Variants in COL19A1 observed in about 807,000 individuals in gnomAD.
COL19A1 encodes collagen type XIX alpha 1 chain, also known as collagen alpha-1(XIX) chain.
A neutral mutation model predicts 190.2 loss-of-function variants in COL19A1; 159 were observed. The ratio of observed to expected loss-of-function variants is 0.84; its 90% CI spans 0.73 to 0.95. COL19A1 has a LOEUF of 0.95. Among genes scored for constraint, COL19A1 ranks in the 40% least tolerant of loss-of-function variants. The pLI, the probability that COL19A1 is intolerant of heterozygous loss-of-function variation, is 0.00. For synonymous variants in COL19A1, 509 were observed against 458.9 expected (o/e 1.11, Z -1.39); for missense variants, 1,418 against 1,431.9 (o/e 0.99, Z 0.16).
chr6:70,135,688 C>G (rs1218557457), intron 18 of COL19A1, among the ~76,000 whole-genome samples: 1 of 152,116 alleles, frequency 6.6e-6, no homozygotes, highest in African/African-American at 2.4e-5. Context: ...AATTTGCCTC[C>G]TGGATTTGGG....
At chr6:70,125,299 G>A (rs1230547460) in intron 17 of COL19A1, among the ~76,000 whole-genome samples, 1 of 152,144 alleles carries the variant, frequency 6.6e-6, no homozygotes, top group Non-Finnish European at 1.5e-5. Context: ...CTAGACCTCA[G>A]CTCTTCAACT....
At chr6:69,875,996 T>C (rs1768106111) in intron 1 of COL19A1, among the ~76,000 whole-genome samples, 2 of 151,912 alleles carry the variant, frequency 1.3e-5, no homozygotes, top group African/African-American at 4.8e-5. Context: ...CTGAGAATAT[T>C]TAAAAGGAAA....
intron 44 of COL19A1, among the ~76,000 whole-genome samples, chr6:70,182,285 TCA>T (rs1766223444): frequency 6.6e-6 from 1 of 151,956 alleles, no homozygotes. Context: ...AAGAGACCAA[TCA>T]CAGCTGTGGT....
intron 16 of COL19A1, among the ~76,000 whole-genome samples, chr6:70,121,563 C>A (rs2150211531): frequency 6.6e-6 from 1 of 152,246 alleles, no homozygotes; most frequent in East Asian, 1.9e-4. Flanking sequence ...AAGAGTTATA[C>A]CCTCTTCTCT....
At chr6:69,974,834 A>C (rs574122037) in intron 11 of COL19A1, among the ~76,000 whole-genome samples, 2 of 104,834 alleles carry the variant, frequency 1.9e-5, no homozygotes, top group Admixed American at 1.2e-4. Context: ...TTTTTTTGAG[A>C]CGGAGTCTTG....
At position 70,059,505 on chromosome 6, in the gene COL19A1, G is replaced by A. The variant is rs79736761; in HGVS notation, c.1171-8918G>A. 5.3e-4 allele frequency among the ~76,000 whole-genome samples: 80 copies of A among 152,266 alleles called. 2 individuals are homozygous for A. In the East Asian group the frequency reaches 0.014, roughly 26 times the overall value. ...AAATATTTACATGGGCTTCCATGAT[G>A]ATAAGCTCTAGCTTGTCTTAAATAA... is the stretch of plus-strand genomic sequence containing the variant. On this transcript the variant is annotated intron_variant, in intron 14 of 50. Transcript: ENST00000620364.
At position 69,984,091 on chromosome 6, in the gene COL19A1, G is replaced by A. The variant is rs534909497; in HGVS notation, c.1026+21221G>A. Among the ~76,000 whole-genome samples, 12 of 152,160 alleles carry A rather than the reference G, an allele frequency of 7.9e-5. No individual in the cohort carries two copies. In the South Asian group the frequency reaches 2.1e-3, roughly 26 times the overall value. ...AGCCACAGGGTCTGAAGGTTTCTTTGTGAAAGATTTTTACATTATGGGTTT... is the reference window on the plus strand; with the variant it reads ...AGCCACAGGGTCTGAAGGTTTCTTTATGAAAGATTTTTACATTATGGGTTT... On this transcript the variant is annotated intron_variant, in intron 11 of 50. Coordinates refer to ENST00000620364, the MANE Select transcript of COL19A1 (RefSeq NM_001858.6).
chr6:70,163,661 C>G (rs995049966), intron 36 of COL19A1, among the ~76,000 whole-genome samples: 2 of 152,160 alleles, frequency 1.3e-5, no homozygotes, highest in Non-Finnish European at 2.9e-5. Flanking sequence ...CCTGGGCAAC[C>G]ATCTATGTGG....
intron 11 of COL19A1, among the ~76,000 whole-genome samples, chr6:70,001,227 T>C (rs1404910260): frequency 6.6e-6 from 1 of 152,198 alleles, no homozygotes; most frequent in African/African-American, 2.4e-5. Context: ...CATTAGTCTA[T>C]ATGTCCGTTT....
intron 15 of COL19A1, among the ~76,000 whole-genome samples, chr6:70,097,594 C>T (rs1783362238): frequency 6.6e-6 from 1 of 152,028 alleles, no homozygotes; most frequent in African/African-American, 2.4e-5. Context: ...CATGCATGCT[C>T]AGGTTTGAGC....
intron 9 of COL19A1, among the ~76,000 whole-genome samples, chr6:69,951,581 TAAAAC>T (rs1176097165): frequency 2.0e-5 from 3 of 151,858 alleles, no homozygotes; most frequent in African/African-American, 4.8e-5. Context: ...CTTGACCTCT[TAAAAC>T]AAACTAGATG....
intron 10 of COL19A1, among the ~76,000 whole-genome samples, chr6:69,962,397 G>C (rs1250606970): frequency 2.0e-5 from 3 of 152,160 alleles, no homozygotes; most frequent in Non-Finnish European, 4.4e-5. Context: ...TACCAGAATG[G>C]TATGCCATAG....
At chr6:69,887,238 C>T (rs2149954368) in intron 2 of COL19A1, among the ~76,000 whole-genome samples, 1 of 152,304 alleles carries the variant, frequency 6.6e-6, no homozygotes, top group East Asian at 1.9e-4. Context: ...TTGCTAATCA[C>T]CTACTGGGGC....
At chr6:70,023,502 G>T in intron 11 of COL19A1, 125 bp from the exon 12 acceptor site, 1 of 692,618 alleles carries the variant, frequency 1.4e-6, no homozygotes, top group Non-Finnish European at 2.3e-6. Flanking sequence ...TTTAATAAAC[G>T]TGCCTTTCAA....
intron 14 of COL19A1, among the ~76,000 whole-genome samples, chr6:70,045,158 GA>G (rs1269137775): frequency 2.6e-5 from 4 of 151,684 alleles, no homozygotes; most frequent in African/African-American, 4.8e-5. Flanking sequence ...ACTAAAAATA[GA>G]AAAATTAGCC....
chr6:70,054,088 C>T (rs962015583), intron 14 of COL19A1, among the ~76,000 whole-genome samples: 3 of 152,154 alleles, frequency 2.0e-5, no homozygotes, highest in African/African-American at 7.2e-5. Context: ...CAGTGGCTCA[C>T]GCCTTAATCC....
At chr6:70,054,454 A>G (rs1277493502) in intron 14 of COL19A1, among the ~76,000 whole-genome samples, 1 of 152,226 alleles carries the variant, frequency 6.6e-6, no homozygotes, top group Non-Finnish European at 1.5e-5. Context: ...TTCTGTTAAC[A>G]GTAATGACAA....
At position 69,959,979 on chromosome 6, in the gene COL19A1, C is replaced by T; in HGVS notation, c.937-17C>T. The T allele has an allele frequency of 6.2e-7, 1 of 1,610,820 alleles. No homozygotes were observed. The highest frequency in any genetic ancestry group is 8.5e-7 in the Non-Finnish European group (1 of 1,178,268). On this transcript the variant is annotated splice_polypyrimidine_tract_variant and intron_variant, in intron 9 of 50. Coordinates refer to ENST00000620364, the MANE Select transcript of COL19A1 (RefSeq NM_001858.6). ...ATCTTTATGGATCATAAACATTATT[C>T]TGTGTACTTCTTTTAGGGTGAAAAT... is the stretch of plus-strand genomic sequence containing the variant.
intron 16 of COL19A1, among the ~76,000 whole-genome samples, chr6:70,116,708 A>G (rs552126465): frequency 6.6e-6 from 1 of 152,258 alleles, no homozygotes; most frequent in South Asian, 2.1e-4. Context: ...TTTACAAGCC[A>G]TTAGAACACT....
Sources: allele counts gnomAD v4.1 joint callset (sites outside exome capture counted in the v4.1 genomes callset), GRCh38; gene constraint gnomAD v4.1.1; transcripts MANE v1.5; gene names NCBI Gene and HGNC (gene_info 2026-07-23, HGNC 2026-07-21).